MPI: variants seen among roughly 807,000 people sequenced by gnomAD.
The protein encoded by MPI is mannose-6-phosphate isomerase.
A neutral mutation model predicts 40.1 loss-of-function variants in MPI; 33 were observed. That is an observed-to-expected ratio of 0.82 (90% CI 0.62 to 1.10). The LOEUF (loss-of-function observed/expected upper bound fraction) is 1.10. Among genes scored for constraint, MPI ranks in the 50% least tolerant of loss-of-function variants. The pLI, the probability that MPI is intolerant of heterozygous loss-of-function variation, is 0.00. For missense variants in MPI, 514 were observed against 524.1 expected (o/e 0.98, Z 0.19); for synonymous variants, 187 against 207.4 (o/e 0.90, Z 0.85).
At chr15:74,891,157 G>A in intron 2 of MPI, 1 of 629,146 alleles carries the variant, frequency 1.6e-6, no homozygotes, top group Non-Finnish European at 2.9e-6. Flanking sequence ...GAAATAACTA[G>A]TCCAAGTCTT....
intron 1 of MPI, 141 bp from the exon 2 acceptor site, chr15:74,890,386 A>T: frequency 9.2e-7 from 1 of 1,091,526 alleles, no homozygotes; most frequent in Non-Finnish European, 1.4e-6. Flanking sequence ...CCTGCAGCGG[A>T]GGGGGGTCTC....
At position 74,901,529 on chromosome 15, in the gene MPI, C is replaced by G. The variant is rs1402596662; in HGVS notation, c.*3799C>G. The G allele has an allele frequency of 1.3e-5, 2 of 152,340 alleles. No individual in the cohort carries two copies. Among genetic ancestry groups the G allele is most frequent in the East Asian group, 3.9e-4 (2 of 5,180 alleles). The allele number at this position is 152,340 out of a possible 1,614,324, so 9.4% of individuals were successfully genotyped here. ...AGGCCCATGCTGTGACCAGAAGAAT[C>G]TGGCAATAGAATGGTCCATGCTGGA... is the stretch of plus-strand genomic sequence containing the variant. On this transcript the variant is annotated 3_prime_UTR_variant, in exon 8 of 8. Coordinates refer to ENST00000352410, the MANE Select transcript of MPI (RefSeq NM_002435.3).
chr15:74,896,280 G>C lies in MPI; in HGVS notation c.799G>C (p.Ala267Pro). ...LNLLTLKPGEAMFLEANVPHA... is the reference protein window; with the variant it reads ...LNLLTLKPGEPMFLEANVPHA... ...CCTGCTTACCCTGAAGCCTGGGGAG[G>C]CCATGTTTCTGGAGGCCAACGTACC... Residue 267 changes from alanine (A) to proline (P), a missense_variant, in exon 6 of 8, where the codon GCC becomes CCC. By Grantham distance (27) the Ala-to-Pro change is conservative. Coordinates refer to ENST00000352410, the MANE Select transcript of MPI (RefSeq NM_002435.3). 6.2e-7 allele frequency: 1 copy of C among 1,614,180 alleles called. No individual in the cohort carries two copies. The highest frequency in any genetic ancestry group is 2.2e-5 in the East Asian group (1 of 44,882).
intron 6 of MPI, chr15:74,896,671 C>T: frequency 1.6e-6 from 1 of 608,564 alleles, no homozygotes; most frequent in East Asian, 2.7e-5. Flanking sequence ...GGGATTTTTA[C>T]ACTAAAATAT....
chr15:74,898,833 C>CCAGCTAAGTTTTTGTAT lies in MPI; in HGVS notation c.*1103_*1104insCAGCTAAGTTTTTGTAT, dbSNP rs2064864408. The CCAGCTAAGTTTTTGTAT allele has an allele frequency of 6.6e-6, 1 of 152,486 alleles. No individual in the cohort carries two copies. 9.4% of individuals were successfully genotyped at this position (152,486 alleles called of 1,614,324 possible). A position where few individuals can be genotyped will look rare whatever the true frequency, so the allele number is the denominator to read the frequency against. ...GGATTACAGGCGTGAGCCACCACGCCTGGCCCGGCTCCTGTTTTTCAACTG... is the reference window on the plus strand; with the variant it reads ...GGATTACAGGCGTGAGCCACCACGCCCAGCTAAGTTTTTGTATTGGCCCGGCTCCTGTTTTTCAACTG... On this transcript the variant is annotated 3_prime_UTR_variant, in exon 8 of 8. Coordinates refer to ENST00000352410, the MANE Select transcript of MPI (RefSeq NM_002435.3).
At chr15:74,893,648 C>G (rs1459113506) in intron 5 of MPI, 1 of 590,856 alleles carries the variant, frequency 1.7e-6, no homozygotes, top group Non-Finnish European at 3.0e-6. Flanking sequence ...ACTTGTATCT[C>G]GGGGCTAAAG....
rs1408997478 is a variant in MPI at position 74,901,536 on chromosome 15, T to C, written c.*3806T>C. The C allele has an allele frequency of 6.6e-6, 1 of 152,090 alleles. No individual in the cohort carries two copies. Among genetic ancestry groups the C allele is most frequent in the Admixed American group, 6.5e-5 (1 of 15,270 alleles). 9.4% of individuals were successfully genotyped at this position (152,090 alleles called of 1,614,324 possible). ...TGCTGTGACCAGAAGAATCTGGCAA[T>C]AGAATGGTCCATGCTGGAGTGAAGG... On this transcript the variant is annotated 3_prime_UTR_variant, in exon 8 of 8. Transcript: ENST00000352410.
Position 74,892,916 on chromosome 15 carries a change from T to A in MPI, c.487+114T>A, listed in dbSNP as rs2064748672. On this transcript the variant is annotated intron_variant, in intron 4 of 7. Coordinates refer to ENST00000352410, the MANE Select transcript of MPI (RefSeq NM_002435.3). ...CACATGTCACAGGAACTGAAGGGCC[T>A]CATGAAGCAGTTTTTGGAGCCAGTG... The A allele has an allele frequency of 2.6e-6, 4 of 1,551,202 alleles. No homozygotes were observed. In the South Asian group the frequency reaches 4.5e-5, roughly 17 times the overall value.
At chr15:74,896,417 G>A (rs1292580313) in intron 6 of MPI, 92 bp downstream of exon 6, 1 of 1,431,250 alleles carries the variant, frequency 7.0e-7, no homozygotes, top group South Asian at 1.2e-5. Flanking sequence ...TGGTCAAGGA[G>A]ACCCCCAAGG....
chr15:74,894,079 T>TTTTCTGAGCCAGG (rs2064772534), intron 5 of MPI, among the ~76,000 whole-genome samples: 1 of 61,768 alleles, frequency 1.6e-5, no homozygotes, highest in Non-Finnish European at 3.3e-5. Flanking sequence ...TGTGTGTGTG[T>TTTTCTGAGCCAGG]GTGTGTGTGT....
rs190812626 is a variant in MPI, at chr15:74,890,674, T to A, written c.144+20T>A. 1,208 of 1,612,554 alleles carry A rather than the reference T, an allele frequency of 7.5e-4. 10 individuals are homozygous for A. The African/African-American group carries it at 0.014, about 19-fold the overall frequency. On this transcript the variant is annotated intron_variant, in intron 2 of 7. Coordinates refer to ENST00000352410, the MANE Select transcript of MPI (RefSeq NM_002435.3). ...GCAGAGGTGAGCCCCGGGCTGTATTTCAGCCCACTTTACCCGCAGGTCAGG... is the reference window on the plus strand; with the variant it reads ...GCAGAGGTGAGCCCCGGGCTGTATTACAGCCCACTTTACCCGCAGGTCAGG...
chr15:74,898,283 A>G lies in MPI; in HGVS notation c.*553A>G. ...GGGTACCTGTTCCTAAAGTGGGCCA[A>G]AAGAGCCCTCCCTACATGATGCCCC... On this transcript the variant is annotated 3_prime_UTR_variant, in exon 8 of 8. Transcript: ENST00000352410. The G allele has an allele frequency of 5.2e-6, 1 of 191,536 alleles. No individual in the cohort carries two copies. Among genetic ancestry groups the G allele is most frequent in the Middle Eastern group, 2.5e-3 (1 of 398 alleles). 11.9% of individuals were successfully genotyped at this position (191,536 alleles called of 1,614,324 possible).
intron 1 of MPI, 88 bp from the exon 2 acceptor site, chr15:74,890,439 G>A: frequency 6.4e-7 from 1 of 1,572,966 alleles, no homozygotes; most frequent in African/African-American, 1.3e-5. Context: ...TGTCCCCAGT[G>A]AGCACCCCCA....
chr15:74,896,090 TG>T, intron 5 of MPI, 61 bp from the exon 6 acceptor site: 1 of 1,596,432 alleles, frequency 6.3e-7, no homozygotes, highest in Admixed American at 1.7e-5. Flanking sequence ...CTGGCCAATG[TG>T]GGGCTATGAA....
intron 2 of MPI, 72 bp from the exon 3 acceptor site, chr15:74,891,307 C>A: frequency 7.0e-7 from 1 of 1,423,622 alleles, no homozygotes; most frequent in Non-Finnish European, 9.9e-7. Flanking sequence ...CACAGCATAA[C>A]GGATTGGGAC....
chr15:74,898,777 G>C lies in MPI; in HGVS notation c.*1047G>C, dbSNP rs1230932175. The stretch of plus-strand genomic sequence containing the variant: ...GATGGTCTCGATCTTCTGACCTCGT[G>C]ATCCGCCCACCTCAGCCTCCCAAAG... On this transcript the variant is annotated 3_prime_UTR_variant, in exon 8 of 8. Transcript: ENST00000352410. 6.6e-6 allele frequency: 1 copy of C among 152,144 alleles called. No homozygotes were observed. The highest frequency in any genetic ancestry group is 1.5e-5 in the Non-Finnish European group (1 of 68,128). The allele number at this position is 152,144 out of a possible 1,614,324, so 9.4% of individuals were successfully genotyped here.
rs771978393 is a variant in MPI at position 74,896,659 on chromosome 15, C to G, written c.844+334C>G. The G allele has an allele frequency of 5.6e-5, 34 of 609,108 alleles. 1 individual carries two copies. The highest frequency in any genetic ancestry group is 9.6e-5 in the Non-Finnish European group (33 of 342,870). The allele number at this position is 609,108 out of a possible 1,614,324, so 37.7% of individuals were successfully genotyped here. A position where few individuals can be genotyped will look rare whatever the true frequency, so the allele number is the denominator to read the frequency against. On this transcript the variant is annotated intron_variant, in intron 6 of 7. Coordinates refer to ENST00000352410, the MANE Select transcript of MPI (RefSeq NM_002435.3). ...GCCTTTGTATGTCTGTCCTACCTAC[C>G]AGGGATTTTTACACTAAAATATGCA...
rs780479484 is a variant in MPI, at chr15:74,891,418, C to T, written c.184C>T (p.Leu62Phe). The T allele has an allele frequency of 1.9e-6, 3 of 1,614,116 alleles. No individual in the cohort carries two copies. In the Admixed American group the frequency reaches 5.0e-5, roughly 27 times the overall value. ...TCACCCCCGAGGGGATGCCAAGATCCTTGACAACCGCATCTCACAGAAGAC... is the reference window on the plus strand; with the variant it reads ...TCACCCCCGAGGGGATGCCAAGATCTTTGACAACCGCATCTCACAGAAGAC... Reference protein sequence around the residue: ...GTHPRGDAKILDNRISQKTLS... With the variant: ...GTHPRGDAKIFDNRISQKTLS... Residue 62 changes from leucine to phenylalanine, a missense_variant, in exon 3 of 8, where the codon CTT becomes TTT. Transcript: ENST00000352410.
chr15:74,891,371 C>T lies in MPI; in HGVS notation c.145-8C>T. 1 of 1,613,900 alleles carries T rather than the reference C, an allele frequency of 6.2e-7. No homozygotes were observed. The highest frequency in any genetic ancestry group is 8.5e-7 in the Non-Finnish European group (1 of 1,179,948). On this transcript the variant is annotated splice_polypyrimidine_tract_variant and splice_region_variant and intron_variant, in intron 2 of 7. Transcript: ENST00000352410. ...CCCCTTCCCCTCCCAAGTTTCCTGT[C>T]TTTCCAGTTGTGGATGGGGACTCAC...
Sources: allele counts gnomAD v4.1 joint callset (sites outside exome capture counted in the v4.1 genomes callset), GRCh38; gene constraint gnomAD v4.1.1; transcripts MANE v1.5; gene names NCBI Gene and HGNC (gene_info 2026-07-23, HGNC 2026-07-21).